PARD3: variants seen among roughly 807,000 people sequenced by gnomAD.
The protein encoded by PARD3 is partitioning defective 3 homolog.
Under a neutral mutation model 155.4 loss-of-function variants are expected in PARD3, and 75 were observed. The observed-to-expected ratio is 0.48, with a 90% CI of 0.40 to 0.58. PARD3 has a LOEUF of 0.58. Among genes scored for constraint, PARD3 ranks in the 20% least tolerant of loss-of-function variants. The pLI is 0.00. For synonymous variants in PARD3, 576 were observed against 610.5 expected, an observed-to-expected ratio of 0.94 and a Z score of 0.83; for missense variants, 1,642 against 1,721.7, an observed-to-expected ratio of 0.95 and a Z score of 0.82.
intron 22 of PARD3, among the ~76,000 whole-genome samples, chr10:34,196,711 C>A (rs566737732): frequency 1.3e-5 from 2 of 151,668 alleles, no homozygotes; most frequent in South Asian, 4.2e-4. Context: ...GTAGCTGGGA[C>A]TACAGGTGCC....
At chr10:34,375,053 AACACACACACACACACACACACAC>A (rs35263377) in intron 10 of PARD3, 51 bp from the exon 11 acceptor site, 7 of 783,536 alleles carry the variant, frequency 8.9e-6, no homozygotes, top group Non-Finnish European at 1.4e-5. Flanking sequence ...ACAACAGGAA[AACACACACACACACACACACACAC>A]ACACACACAC....
chr10:34,595,279 A>C (rs983320954), intron 2 of PARD3, among the ~76,000 whole-genome samples: 2 of 152,234 alleles, frequency 1.3e-5, no homozygotes, highest in Non-Finnish European at 2.9e-5. Flanking sequence ...GGTAAGGAGC[A>C]AAGATTCATG....
intron 23 of PARD3, among the ~76,000 whole-genome samples, chr10:34,129,420 T>A (rs891309705): frequency 3.3e-5 from 5 of 152,226 alleles, no homozygotes; most frequent in African/African-American, 1.2e-4. Flanking sequence ...CGCAAAGTGC[T>A]GGGATTACAG....
chr10:34,778,039 C>T (rs1466383626), intron 1 of PARD3, among the ~76,000 whole-genome samples: 4 of 152,128 alleles, frequency 2.6e-5, no homozygotes, highest in Admixed American at 2.6e-4. Flanking sequence ...CCTCCATATC[C>T]GTAATGGATT....
chr10:34,730,616 T>C (rs2094799741), intron 1 of PARD3, among the ~76,000 whole-genome samples: 1 of 152,076 alleles, frequency 6.6e-6, no homozygotes, highest in Admixed American at 6.5e-5. Flanking sequence ...AGCCATCGTC[T>C]CTACAAAAAA....
In PARD3 at chr10:34,227,457, GA is replaced by G. The variant is rs546740267; in HGVS notation, c.3419+42199del. On this transcript the variant is annotated intron_variant, in intron 22 of 24. Transcript: ENST00000374788. ...TCGACACCAGCCTGATCAACATGGG[GA>G]AACCCCATCTCTACTAAAAATACAA... 2.0e-4 allele frequency among the ~76,000 whole-genome samples: 30 copies of G among 152,224 alleles called. No individual in the cohort carries two copies. The East Asian group carries it at 4.8e-3, about 25-fold the overall frequency.
chr10:34,549,004 C>G (rs191252273), intron 2 of PARD3, among the ~76,000 whole-genome samples: 6 of 152,346 alleles, frequency 3.9e-5, no homozygotes, highest in Admixed American at 3.3e-4. Context: ...TGGGCTGCAG[C>G]AGGAGAACAA....
chr10:34,165,526 C>T (rs16935156), intron 22 of PARD3, among the ~76,000 whole-genome samples: 10,879 of 152,202 alleles, frequency 0.071, 1,009 homozygotes, highest in East Asian at 0.3. Flanking sequence ...AGAGGAAAAA[C>T]CGCTTTGTTC....
chr10:34,494,775 C>T (rs373206960), intron 3 of PARD3, among the ~76,000 whole-genome samples: 1 of 152,038 alleles, frequency 6.6e-6, no homozygotes. Context: ...AATTGTTGTT[C>T]CCCTAATCCC....
At chr10:34,790,254 G>A (rs1156833308) in intron 1 of PARD3, among the ~76,000 whole-genome samples, 6 of 152,302 alleles carry the variant, frequency 3.9e-5, no homozygotes, top group South Asian at 2.1e-4. Flanking sequence ...AATAAAACAC[G>A]CTCACACATT....
At chr10:34,533,048 GGTAA>G (rs2082966778) in intron 2 of PARD3, among the ~76,000 whole-genome samples, 2 of 152,066 alleles carry the variant, frequency 1.3e-5, no homozygotes, top group African/African-American at 2.4e-5. Flanking sequence ...GAAACACAAT[GGTAA>G]GTATTTGTAT....
At chr10:34,262,629 C>G (rs954012575) in intron 22 of PARD3, among the ~76,000 whole-genome samples, 1 of 152,158 alleles carries the variant, frequency 6.6e-6, no homozygotes, top group Non-Finnish European at 1.5e-5. Flanking sequence ...TTGATGTAAA[C>G]AGAAATGCCA....
At chr10:34,739,296 G>A (rs1299450493) in intron 1 of PARD3, among the ~76,000 whole-genome samples, 4 of 152,156 alleles carry the variant, frequency 2.6e-5, no homozygotes, top group Admixed American at 1.3e-4. Context: ...AGGATGAGGT[G>A]AGGGGTACAC....
At chr10:34,422,599 T>C (rs1458374985) in intron 5 of PARD3, among the ~76,000 whole-genome samples, 3 of 149,884 alleles carry the variant, frequency 2.0e-5, no homozygotes, top group African/African-American at 7.4e-5. Flanking sequence ...AGAAAACAAA[T>C]AACTCGATTT....
In PARD3 at chr10:34,360,110, G is replaced by C; in HGVS notation, c.1857C>G (p.Ile619Met). The C allele has an allele frequency of 6.2e-7, 1 of 1,614,100 alleles. No individual in the cohort carries two copies. The highest frequency in any genetic ancestry group is 1.1e-5 in the South Asian group (1 of 91,074). The change falls in exon 13 of 25, where the codon ATC becomes ATG. Residue 619 changes from isoleucine (I) to methionine (M), a missense_variant. This residue lies in a region of PARD3 where 1,529 missense variants were observed against 1,587.3 expected (regional missense o/e 0.96). Transcript: ENST00000374788. ...CTCCATTAATAATGGACTTGACAAA[G>C]ATTCCCAAATCTGCGTGGTTCTCTT... is the stretch of plus-strand genomic sequence containing the variant. ...RSKENHADLG[I>M]FVKSIINGGA...
At position 34,355,958 on chromosome 10, in the gene PARD3, C is replaced by CAAAAA. The variant is rs1491326864; in HGVS notation, c.2067+3188_2067+3189insTTTTT. Among the ~76,000 whole-genome samples, 171 of 116,148 alleles carry CAAAAA rather than the reference C, an allele frequency of 1.5e-3. 7 individuals are homozygous for CAAAAA. The highest frequency in any genetic ancestry group is 4.7e-3 in the African/African-American group (101 of 21,668). 76.2% of individuals were successfully genotyped at this position (116,148 alleles called of 152,430 possible). ...AAAAAAAAAAAAAACAAAACAAAAC[C>CAAAAA]AAACAAAAAAACAGACAACAGACCC... is the stretch of plus-strand genomic sequence containing the variant. On this transcript the variant is annotated intron_variant, in intron 14 of 24. Coordinates refer to ENST00000374788, the MANE Select transcript of PARD3 (RefSeq NM_001184785.2).
chr10:34,258,594 C>A (rs924671561), intron 22 of PARD3, among the ~76,000 whole-genome samples: 1 of 152,036 alleles, frequency 6.6e-6, no homozygotes, highest in African/African-American at 2.4e-5. Context: ...AAATCTGGGG[C>A]TTATAAAGAG....
chr10:34,477,070 T>G lies in PARD3; in HGVS notation c.404-6807A>C, dbSNP rs1370085. Among the ~76,000 whole-genome samples, 36 of 152,184 alleles carry G rather than the reference T, an allele frequency of 2.4e-4. 1 individual carries two copies. The East Asian group carries it at 6.7e-3, about 29-fold the overall frequency. ...GGCCTCGGATGAATAAAACATGATC[T>G]TCTCACCTATGATTTGCTACGTTTC... On this transcript the variant is annotated intron_variant, in intron 3 of 24. Transcript: ENST00000374788.
chr10:34,135,207 T>C (rs1947828937), intron 22 of PARD3, among the ~76,000 whole-genome samples: 1 of 152,202 alleles, frequency 6.6e-6, no homozygotes, highest in Non-Finnish European at 1.5e-5. Context: ...AGAGATACTT[T>C]CTGTATAAAA....
Sources: allele counts gnomAD v4.1 joint callset (sites outside exome capture counted in the v4.1 genomes callset), GRCh38; gene constraint gnomAD v4.1.1; regional missense constraint gnomAD v4.1.1; transcripts MANE v1.5; gene names NCBI Gene and HGNC (gene_info 2026-07-23, HGNC 2026-07-21).